AK4: variants seen among roughly 807,000 people sequenced by gnomAD.
AK4 encodes the protein adenylate kinase 4.
A neutral mutation model predicts 24.6 loss-of-function variants in AK4; 13 were observed. The observed-to-expected ratio is 0.53, with a 90% CI of 0.34 to 0.84. The LOEUF is 0.84. Ranked by LOEUF, AK4 falls within the 40% of genes least tolerant of loss-of-function variation. The pLI, the probability that AK4 is intolerant of heterozygous loss-of-function variation, is 0.01. For synonymous variants in AK4, 88 were observed against 107.0 expected (o/e 0.82, Z 1.10); for missense variants, 192 against 288.2 (o/e 0.67, Z 2.42).
At chr1:65,223,013 T>C (rs745866011) in intron 3 of AK4, among the ~76,000 whole-genome samples, 2 of 151,888 alleles carry the variant, frequency 1.3e-5, no homozygotes, top group Non-Finnish European at 2.9e-5. Flanking sequence ...TTAATTATAA[T>C]TTTTCAGTTC....
At chr1:65,180,857 C>T (rs111483663) in intron 1 of AK4, among the ~76,000 whole-genome samples, 9 of 152,160 alleles carry the variant, frequency 5.9e-5, no homozygotes, top group African/African-American at 7.2e-5. Flanking sequence ...GATGTTTTGG[C>T]GAAGGGATGA....
At chr1:65,219,787 T>C (rs1652241664) in intron 3 of AK4, among the ~76,000 whole-genome samples, 1 of 152,188 alleles carries the variant, frequency 6.6e-6, no homozygotes, top group Non-Finnish European at 1.5e-5. Flanking sequence ...TTTTTTATAG[T>C]CTATGGATTT....
chr1:65,213,251 C>T (rs965827781), intron 2 of AK4, among the ~76,000 whole-genome samples: 5 of 152,108 alleles, frequency 3.3e-5, no homozygotes, highest in African/African-American at 7.2e-5. Flanking sequence ...GAAACCTCAC[C>T]GTGATAAGGT....
At position 65,231,834 on chromosome 1, in the gene AK4, CCT is replaced by C. The variant is rs1486512724; in HGVS notation, c.*5661_*5662del. On this transcript the variant is annotated 3_prime_UTR_variant, in exon 5 of 5. Coordinates refer to ENST00000327299, the MANE Select transcript of AK4 (RefSeq NM_013410.4). ...GTTACAATGGCATTTCACTGTGATC[CCT>C]CTCAAGCTCAGATCAGTTCTATAAC... 3 of 152,124 alleles carry C rather than the reference CCT, an allele frequency of 2.0e-5. No homozygotes were observed. The highest frequency in any genetic ancestry group is 6.6e-5 in the Admixed American group (1 of 15,260). 9.4% of individuals were successfully genotyped at this position (152,124 alleles called of 1,614,324 possible). A position where few individuals can be genotyped will look rare whatever the true frequency, so the allele number is the denominator to read the frequency against.
At chr1:65,171,329 CAG>C (rs1650516842) in intron 1 of AK4, among the ~76,000 whole-genome samples, 3 of 99,718 alleles carry the variant, frequency 3.0e-5, no homozygotes, top group Non-Finnish European at 5.4e-5. Context: ...TTTTTTGAGA[CAG>C]AGTCTCCCTC....
At chr1:65,163,669 C>T (rs1025205129) in intron 1 of AK4, among the ~76,000 whole-genome samples, 4 of 152,308 alleles carry the variant, frequency 2.6e-5, no homozygotes, top group African/African-American at 9.6e-5. Context: ...CTAGACAGAG[C>T]GGATTTATCA....
intron 4 of AK4, 84 bp downstream of exon 4, chr1:65,224,954 A>T (rs879494043): frequency 3.8e-6 from 4 of 1,043,496 alleles, no homozygotes; most frequent in African/African-American, 1.6e-5. Flanking sequence ...GCTGAGGCAG[A>T]GTAGTGTTTC....
intron 2 of AK4, among the ~76,000 whole-genome samples, chr1:65,207,149 G>C (rs2101065916): frequency 6.6e-6 from 1 of 152,280 alleles, no homozygotes; most frequent in South Asian, 2.1e-4. Context: ...GGATCACCAA[G>C]TAGTGATTGT....
chr1:65,220,270 G>C (rs1382811695), intron 3 of AK4, among the ~76,000 whole-genome samples: 9 of 152,198 alleles, frequency 5.9e-5, no homozygotes, highest in Admixed American at 1.3e-4. Flanking sequence ...TTGCTGGATT[G>C]TAAGTGTATA....
At chr1:65,152,356 CTCTCTA>C (rs1168361553) in intron 1 of AK4, among the ~76,000 whole-genome samples, 178 of 33,894 alleles carry the variant, frequency 5.3e-3, no homozygotes, top group East Asian at 8.8e-3. Context: ...CTCTCTCTCT[CTCTCTA>C]TATATATATA....
At chr1:65,204,402 T>C (rs150713668) in intron 2 of AK4, among the ~76,000 whole-genome samples, 36 of 152,180 alleles carry the variant, frequency 2.4e-4, no homozygotes, top group African/African-American at 8.7e-4. Flanking sequence ...GGTTTCACCA[T>C]ATTGGGCAGG....
chr1:65,194,811 C>T (rs1344476074), intron 2 of AK4, among the ~76,000 whole-genome samples: 1 of 152,190 alleles, frequency 6.6e-6, no homozygotes, highest in Admixed American at 6.5e-5. Flanking sequence ...CAGCTCCCCT[C>T]TTCTTCTGAG....
intron 1 of AK4, among the ~76,000 whole-genome samples, chr1:65,177,459 G>A (rs1650756135): frequency 2.0e-5 from 3 of 152,222 alleles, no homozygotes; most frequent in African/African-American, 4.8e-5. Flanking sequence ...GACACCCAGA[G>A]GAGATGGCAC....
chr1:65,152,360 C>CTCTATATATATATA (rs1277948363), intron 1 of AK4, among the ~76,000 whole-genome samples: 3 of 27,942 alleles, frequency 1.1e-4, no homozygotes, highest in East Asian at 1.1e-3. Context: ...CTCTCTCTCT[C>CTCTATATATATATA]TATATATATA....
At chr1:65,169,906 C>T (rs535984144) in intron 1 of AK4, among the ~76,000 whole-genome samples, 1 of 152,034 alleles carries the variant, frequency 6.6e-6, no homozygotes, top group South Asian at 2.1e-4. Context: ...TGTGGCCCCT[C>T]ACTCACTCCC....
intron 2 of AK4, among the ~76,000 whole-genome samples, chr1:65,209,239 T>G (rs904458265): frequency 2.6e-5 from 4 of 152,184 alleles, no homozygotes; most frequent in Admixed American, 1.3e-4. Context: ...AAGCAAGCAG[T>G]CCATGCTTAA....
At chr1:65,209,617 A>G (rs1057171976) in intron 2 of AK4, among the ~76,000 whole-genome samples, 1 of 152,108 alleles carries the variant, frequency 6.6e-6, no homozygotes, top group African/African-American at 2.4e-5. Flanking sequence ...TTGGCGGCTG[A>G]TTGGTGTGAG....
chr1:65,185,044 G>T (rs1651050311), intron 1 of AK4, among the ~76,000 whole-genome samples: 1 of 152,176 alleles, frequency 6.6e-6, no homozygotes, highest in African/African-American at 2.4e-5. Context: ...TAAACTTGGG[G>T]TCGTACTGCT....
chr1:65,215,332 C>T (rs555430754), intron 2 of AK4, among the ~76,000 whole-genome samples: 100 of 152,036 alleles, frequency 6.6e-4, no homozygotes, highest in African/African-American at 2.2e-3. Context: ...CCACCATGCC[C>T]GGCTAATTTT....
Sources: gnomAD v4.1 joint callset for allele counts (sites outside exome capture counted in the v4.1 genomes callset) on GRCh38, gnomAD v4.1.1 for gene constraint, MANE v1.5 for transcripts, NCBI Gene and HGNC (gene_info 2026-07-23, HGNC 2026-07-21) for gene names.